Variants in BBOX1 observed in about 807,000 individuals in gnomAD.
BBOX1 encodes gamma-butyrobetaine hydroxylase 1.
Under a neutral mutation model 41.6 loss-of-function variants are expected in BBOX1, and 35 were observed. The observed-to-expected ratio is 0.84, with a 90% CI of 0.64 to 1.11. The LOEUF is 1.11. BBOX1 is among the 50% of genes most tolerant of loss of function. The pLI is 0.00. For synonymous variants in BBOX1, 163 were observed against 154.7 expected (o/e 1.05, Z -0.40); for missense variants, 458 against 460.6 (o/e 0.99, Z 0.05).
intron 2 of BBOX1, among the ~76,000 whole-genome samples, chr11:27,046,713 A>G (rs1851497970): frequency 6.6e-6 from 1 of 152,176 alleles, no homozygotes. Context: ...GCTAGGAGCT[A>G]TATATAGGAG....
chr11:27,112,421 T>A (rs1427740299), intron 5 of BBOX1, among the ~76,000 whole-genome samples: 2 of 151,824 alleles, frequency 1.3e-5, no homozygotes, highest in Non-Finnish European at 2.9e-5. Context: ...TGAGCAATAG[T>A]TTCAAGAGTG....
In BBOX1 at chr11:27,073,505, A is replaced by G. The variant is rs538767235; in HGVS notation, c.334+16190A>G. ...CAATCATTGTGGAAGACAGTGTGGC[A>G]ATTCCTCAGGGATCTAGAACTAGAA... On this transcript the variant is annotated intron_variant, in intron 4 of 8. Coordinates refer to ENST00000263182, the MANE Select transcript of BBOX1 (RefSeq NM_003986.3). 4.2e-4 allele frequency among the ~76,000 whole-genome samples: 62 copies of G among 145,924 alleles called. 1 individual carries two copies. The highest frequency in any genetic ancestry group is 1.7e-3 in the African/African-American group (61 of 35,562).
chr11:27,120,855 A>G (rs906593553), intron 7 of BBOX1, among the ~76,000 whole-genome samples: 1 of 152,154 alleles, frequency 6.6e-6, no homozygotes, highest in African/African-American at 2.4e-5. Context: ...ACAAATATTT[A>G]TTGAGGCCAG....
chr11:27,053,180 A>T (rs996948896), intron 2 of BBOX1, among the ~76,000 whole-genome samples: 14 of 152,230 alleles, frequency 9.2e-5, no homozygotes, highest in African/African-American at 3.4e-4. Context: ...CTTCAAAGTC[A>T]TCTTTGTACC....
chr11:27,085,150 T>C (rs973822498), intron 4 of BBOX1, among the ~76,000 whole-genome samples: 175 of 152,302 alleles, frequency 1.1e-3, no homozygotes, highest in African/African-American at 4.0e-3. Context: ...AAAATTTCTG[T>C]GCAGACATCA....
At chr11:27,108,937 G>A (rs1858959085) in intron 5 of BBOX1, among the ~76,000 whole-genome samples, 1 of 151,938 alleles carries the variant, frequency 6.6e-6, no homozygotes, top group Non-Finnish European at 1.5e-5. Context: ...GAAAATGAAA[G>A]CTCATAAAAG....
chr11:27,127,351 A>G lies in BBOX1; in HGVS notation c.1062A>G (p.Ala354=). 1 of 1,614,186 alleles carries G rather than the reference A, an allele frequency of 6.2e-7. No homozygotes were observed. The highest frequency in any genetic ancestry group is 8.5e-7 in the Non-Finnish European group (1 of 1,180,018). ...TTCATGGCCGACGTAGCTATGAAGC[A>G]GGAACTGAGATATCCCGCCATCTAG... The part of the protein sequence containing the change: ...RLLHGRRSYE[A]GTEISRHLEG... Residue 354 remains alanine (A), a synonymous_variant, in exon 9 of 9, where the codon GCA becomes GCG. Transcript: ENST00000263182.
intron 4 of BBOX1, among the ~76,000 whole-genome samples, chr11:27,057,875 T>A (rs1161235247): frequency 2.6e-5 from 4 of 151,988 alleles, no homozygotes; most frequent in Non-Finnish European, 5.9e-5. Flanking sequence ...TTCAAGGGGA[T>A]CCATAAACAG....
intron 4 of BBOX1, among the ~76,000 whole-genome samples, chr11:27,071,134 G>A (rs544869721): frequency 4.2e-4 from 64 of 152,088 alleles, no homozygotes; most frequent in African/African-American, 1.5e-3. Flanking sequence ...CAGCACTTTA[G>A]GAGGCAAAGG....
intron 4 of BBOX1, among the ~76,000 whole-genome samples, chr11:27,073,258 A>G (rs1382718894): frequency 6.6e-6 from 1 of 152,256 alleles, no homozygotes; most frequent in African/African-American, 2.4e-5. Flanking sequence ...GGTGAAGGAT[A>G]TGAACAGACA....
intron 2 of BBOX1, among the ~76,000 whole-genome samples, chr11:27,044,703 T>C (rs1193576508): frequency 1.3e-5 from 2 of 152,234 alleles, no homozygotes; most frequent in Admixed American, 6.5e-5. Context: ...CCTTTCCCCA[T>C]TGCTTGTTTT....
In BBOX1 at chr11:27,080,743, C is replaced by A. The variant is rs148841425; in HGVS notation, c.335-12425C>A. On this transcript the variant is annotated intron_variant, in intron 4 of 8. Transcript: ENST00000263182. ...GTAAGAATCAAAGTCACCAGAAGAGCATAAATATGAGGATGAAGTGTGGAA... is the reference window on the plus strand; with the variant it reads ...GTAAGAATCAAAGTCACCAGAAGAGAATAAATATGAGGATGAAGTGTGGAA... 6.4e-4 allele frequency among the ~76,000 whole-genome samples: 98 copies of A among 152,158 alleles called. 1 individual carries two copies. The highest frequency in any genetic ancestry group is 2.3e-3 in the African/African-American group (94 of 41,546).
chr11:27,093,616 C>T (rs1412173040), intron 5 of BBOX1, among the ~76,000 whole-genome samples: 2 of 151,938 alleles, frequency 1.3e-5, no homozygotes, highest in African/African-American at 2.4e-5. Context: ...TCTGCTTGGG[C>T]TGCCATAACG....
intron 4 of BBOX1, among the ~76,000 whole-genome samples, chr11:27,073,079 T>A (rs1197608336): frequency 1.3e-5 from 2 of 152,042 alleles, no homozygotes; most frequent in South Asian, 2.1e-4. Context: ...CTAATTAAAC[T>A]AAAGAGCTTC....
At position 27,064,904 on chromosome 11, in the gene BBOX1, ATG is replaced by A. The variant is rs67683946; in HGVS notation, c.334+7590_334+7591del. On this transcript the variant is annotated intron_variant, in intron 4 of 8. Coordinates refer to ENST00000263182, the MANE Select transcript of BBOX1 (RefSeq NM_003986.3). ...TCCAGTGGAGCCATAGGTGTCAGAC[ATG>A]AAAAAAAAAAACAACAAAAAAAACA... 6.0e-4 allele frequency among the ~76,000 whole-genome samples: 88 copies of A among 145,494 alleles called. 1 individual carries two copies. Among genetic ancestry groups the A allele is most frequent in the Middle Eastern group, 3.5e-3 (1 of 288 alleles).
At chr11:27,058,486 G>A (rs1010778215) in intron 4 of BBOX1, among the ~76,000 whole-genome samples, 2 of 152,182 alleles carry the variant, frequency 1.3e-5, no homozygotes, top group Non-Finnish European at 2.9e-5. Context: ...TGTTGGAAGA[G>A]TTTGGAGAGC....
intron 4 of BBOX1, among the ~76,000 whole-genome samples, chr11:27,068,369 T>C (rs1202641393): frequency 1.2e-4 from 18 of 152,210 alleles, no homozygotes; most frequent in Admixed American, 1.2e-3. Context: ...TTTGTACATC[T>C]TCTTTTGAGA....
chr11:27,121,595 A>G lies in BBOX1; in HGVS notation c.836+1750A>G, dbSNP rs551123530. Among the ~76,000 whole-genome samples, 4 of 152,200 alleles carry G rather than the reference A, an allele frequency of 2.6e-5. No homozygotes were observed. The East Asian group carries it at 5.8e-4, about 22-fold the overall frequency. On this transcript the variant is annotated intron_variant, in intron 7 of 8. Coordinates refer to ENST00000263182, the MANE Select transcript of BBOX1 (RefSeq NM_003986.3). Reference sequence around the variant, plus strand: ...GGATCAGTTTTTGGTTACATTTTGCATGTATAAACAGATTGTTTTCGTGAA... The same window carrying G: ...GGATCAGTTTTTGGTTACATTTTGCGTGTATAAACAGATTGTTTTCGTGAA...
intron 5 of BBOX1, among the ~76,000 whole-genome samples, chr11:27,103,303 G>A (rs1034203129): frequency 6.6e-6 from 1 of 152,052 alleles, no homozygotes; most frequent in African/African-American, 2.4e-5. Flanking sequence ...GATTTTTCTG[G>A]GAGGATATGA....
Sources: gnomAD v4.1 joint callset for allele counts (sites outside exome capture counted in the v4.1 genomes callset) on GRCh38, gnomAD v4.1.1 for gene constraint, MANE v1.5 for transcripts, NCBI Gene and HGNC (gene_info 2026-07-23, HGNC 2026-07-21) for gene names.